Variants in ACO1 observed in about 807,000 individuals in gnomAD.
ACO1 encodes aconitase 1, also known as cytoplasmic aconitate hydratase.
In ACO1, 78 loss-of-function variants were observed where a neutral mutation model predicts 105.1. The ratio of observed to expected loss-of-function variants is 0.74; its 90% confidence interval spans 0.62 to 0.90. The LOEUF (loss-of-function observed/expected upper bound fraction) is 0.90. ACO1 is among the 40% of genes least tolerant of loss of function. The probability of loss-of-function intolerance (pLI) is 0.00; values close to 1 mark genes in which losing one functional copy is unlikely to be tolerated. For missense variants in ACO1, 965 were observed against 1,111.1 expected, an observed-to-expected ratio of 0.87 and a Z score of 1.87; for synonymous variants, 364 against 397.4, an observed-to-expected ratio of 0.92 and a Z score of 1.00.
intron 7 of ACO1, among the ~76,000 whole-genome samples, chr9:32,420,323 GA>G (rs1447469854): frequency 6.6e-6 from 1 of 152,228 alleles, no homozygotes; most frequent in African/African-American, 2.4e-5. Flanking sequence ...TAGGTTGAAA[GA>G]ATTTAATATG....
chr9:32,449,176 C>A, intron 20 of ACO1, 95 bp downstream of exon 20: 2 of 1,200,432 alleles, frequency 1.7e-6, no homozygotes, highest in Non-Finnish European at 2.3e-6. Context: ...GTTTAGAAGG[C>A]AAAAAATATC....
chr9:32,432,006 G>A (rs901419975), intron 15 of ACO1, among the ~76,000 whole-genome samples, 163 bp downstream of exon 15: 7 of 152,024 alleles, frequency 4.6e-5, no homozygotes, highest in East Asian at 1.9e-4. Flanking sequence ...TTTTTCTCCT[G>A]TGACTCGCAT....
At chr9:32,388,665 T>C (rs1458423510) in intron 1 of ACO1, among the ~76,000 whole-genome samples, 2 of 152,224 alleles carry the variant, frequency 1.3e-5, no homozygotes, top group African/African-American at 4.8e-5. Flanking sequence ...TTCCATTCCA[T>C]GTATTTAAAG....
chr9:32,453,797 T>TATTA lies in ACO1; in HGVS notation c.*3688_*3691dup, dbSNP rs974552516. The TATTA allele has an allele frequency of 2.0e-5, 3 of 152,208 alleles. No homozygotes were observed. Among genetic ancestry groups the TATTA allele is most frequent in the African/African-American group, 7.2e-5 (3 of 41,444 alleles). The allele number at this position is 152,208 out of a possible 1,614,324, so 9.4% of individuals were successfully genotyped here. ...TCTACTGGCTGCCTTCTTAGGACAT[T>TATTA]ATTAAATATCATAAACACAAGTGGA... is the stretch of plus-strand genomic sequence containing the variant. On this transcript the variant is annotated 3_prime_UTR_variant, in exon 21 of 21. Coordinates refer to ENST00000309951, the MANE Select transcript of ACO1 (RefSeq NM_002197.3).
At chr9:32,421,270 C>T (rs1393226413) in intron 8 of ACO1, among the ~76,000 whole-genome samples, 3 of 152,176 alleles carry the variant, frequency 2.0e-5, no homozygotes, top group Non-Finnish European at 4.4e-5. Context: ...TACTGGTCCT[C>T]TACTACTAGT....
intron 19 of ACO1, among the ~76,000 whole-genome samples, chr9:32,441,746 AG>A (rs1822485352): frequency 6.6e-6 from 1 of 152,206 alleles, no homozygotes; most frequent in South Asian, 2.1e-4. Context: ...ACTGGCCCCC[AG>A]GGGTTCTCTA....
chr9:32,390,913 C>A (rs186976107), intron 1 of ACO1, among the ~76,000 whole-genome samples: 2 of 152,184 alleles, frequency 1.3e-5, no homozygotes, highest in African/African-American at 4.8e-5. Flanking sequence ...CACCTCCCCC[C>A]ACCAGGCGAA....
intron 12 of ACO1, among the ~76,000 whole-genome samples, chr9:32,427,652 G>C (rs1189261478): frequency 6.6e-6 from 1 of 152,190 alleles, no homozygotes. Flanking sequence ...TGCAGGACTG[G>C]AAGTTGCTTT....
intron 19 of ACO1, among the ~76,000 whole-genome samples, chr9:32,446,320 C>T (rs905947302): frequency 6.6e-6 from 1 of 152,144 alleles, no homozygotes; most frequent in East Asian, 1.9e-4. Context: ...CTTCTTGTTG[C>T]ATTGATCCCT....
intron 1 of ACO1, among the ~76,000 whole-genome samples, chr9:32,392,262 G>T (rs1821282065): frequency 1.3e-5 from 2 of 152,148 alleles, no homozygotes; most frequent in South Asian, 4.1e-4. Flanking sequence ...GACATCAGGA[G>T]CCTGAGTTTG....
At chr9:32,436,175 T>G in intron 17 of ACO1, 75 bp from the exon 18 acceptor site, 1 of 1,588,998 alleles carries the variant, frequency 6.3e-7, no homozygotes, top group Non-Finnish European at 8.6e-7. Flanking sequence ...TTTGTTTTTT[T>G]CTTTTCTTGG....
At chr9:32,401,803 TA>T (rs1821501054) in intron 1 of ACO1, among the ~76,000 whole-genome samples, 1 of 152,220 alleles carries the variant, frequency 6.6e-6, no homozygotes, top group Non-Finnish European at 1.5e-5. Flanking sequence ...TGTTATTTTT[TA>T]GTGACCTACT....
chr9:32,384,912 C>G (rs1017975614), intron 1 of ACO1, among the ~76,000 whole-genome samples, 177 bp downstream of exon 1: 2 of 152,220 alleles, frequency 1.3e-5, no homozygotes, highest in Non-Finnish European at 2.9e-5. Flanking sequence ...TGGCGACTGA[C>G]GTCTCCACCC....
In ACO1 at chr9:32,420,894, G is replaced by A; in HGVS notation, c.837G>A (p.Glu279=). 1 of 1,613,958 alleles carries A rather than the reference G, an allele frequency of 6.2e-7. No homozygotes were observed. Residue 279 remains glutamate, a synonymous_variant, in exon 8 of 21, where the codon GAG becomes GAA. Coordinates refer to ENST00000309951, the MANE Select transcript of ACO1 (RefSeq NM_002197.3). ...RQVGVVGKFV[E]FFGPGVAQLS... is the part of the protein sequence containing the mutation. ...TTGGGGTAGTGGGCAAATTTGTCGA[G>A]TTCTTCGGGCCTGGAGTAGCCCAGT...
At chr9:32,442,640 G>A (rs904469428) in intron 19 of ACO1, among the ~76,000 whole-genome samples, 2 of 152,068 alleles carry the variant, frequency 1.3e-5, no homozygotes, top group Admixed American at 6.5e-5. Flanking sequence ...CTTTATCTGT[G>A]GTATGTTCTG....
At chr9:32,410,594 A>G (rs766772569) in intron 4 of ACO1, among the ~76,000 whole-genome samples, 10 of 151,416 alleles carry the variant, frequency 6.6e-5, no homozygotes, top group Admixed American at 4.6e-4. Flanking sequence ...GTTAAACTTG[A>G]AAAAAAAAGA....
Position 32,407,395 on chromosome 9 carries a change from T to C in ACO1, c.232T>C (p.Phe78Leu), listed in dbSNP as rs756347295. ...GCAGCACAAGAACATAGAAGTGCCA[T>C]TTAAGCCTGCTCGTGTCATCCTGCA... The part of the protein sequence containing the change: ...VTQHKNIEVP[F>L]KPARVILQDF... Residue 78 changes from phenylalanine (F) to leucine (L), a missense_variant, in exon 3 of 21, where the codon TTT becomes CTT. Transcript: ENST00000309951. 1.9e-6 allele frequency: 3 copies of C among 1,614,060 alleles called. No homozygotes were observed. The African/African-American group carries it at 4.0e-5, about 22-fold the overall frequency.
chr9:32,436,184 G>A (rs749629283), intron 17 of ACO1, 66 bp from the exon 18 acceptor site: 1 of 1,594,786 alleles, frequency 6.3e-7, no homozygotes, highest in Non-Finnish European at 8.6e-7. Flanking sequence ...TTCTTTTCTT[G>A]GTGTAAGCTA....
At chr9:32,435,748 G>A (rs1000919135) in intron 17 of ACO1, among the ~76,000 whole-genome samples, 3 of 152,148 alleles carry the variant, frequency 2.0e-5, no homozygotes, top group Non-Finnish European at 2.9e-5. Context: ...GTTGCCAGCT[G>A]TGTGTCTTTC....
Sources: gnomAD v4.1 joint callset for allele counts (sites outside exome capture counted in the v4.1 genomes callset) on GRCh38, gnomAD v4.1.1 for gene constraint, MANE v1.5 for transcripts, NCBI Gene and HGNC (gene_info 2026-07-23, HGNC 2026-07-21) for gene names.